The following LAMC2 variants were observed in gnomAD, a reference collection of about 807,000 sequenced individuals.
The protein encoded by LAMC2 is laminin subunit gamma-2.
In LAMC2, 97 loss-of-function variants were observed where a neutral mutation model predicts 140.2. The observed-to-expected ratio is 0.69, with a 90% CI of 0.59 to 0.82. The LOEUF (loss-of-function observed/expected upper bound fraction) is 0.82. Ranked by LOEUF, LAMC2 falls within the 40% of genes least tolerant of loss-of-function variation. The pLI is 0.00. For missense variants in LAMC2, 1,402 were observed against 1,476.1 expected, an observed-to-expected ratio of 0.95 and a Z score of 0.82; for synonymous variants, 513 against 540.2, an observed-to-expected ratio of 0.95 and a Z score of 0.70.
rs144355456 is a variant in LAMC2, at chr1:183,235,696, C to G, written c.2422C>G (p.Pro808Ala). ...HEGVGSGSGS[P>A]DGAVVQGLVE... is the part of the protein sequence containing the mutation. ...AGGAGTCGGAAGCGGAAGCGGTAGCCCGGACGGTGCTGTGGTGCAAGGGCT... is the reference window on the plus strand; with the variant it reads ...AGGAGTCGGAAGCGGAAGCGGTAGCGCGGACGGTGCTGTGGTGCAAGGGCT... Residue 808 changes from proline (P) to alanine (A), a missense_variant, in exon 16 of 23, where the codon CCG becomes GCG. Physicochemically the swap from Pro to Ala is conservative, Grantham distance 27. Around this residue, in one of 3 missense-constraint regions of LAMC2, gnomAD observed 670 missense variants for 667.2 expected, o/e 1.00. Coordinates refer to ENST00000264144, the MANE Select transcript of LAMC2 (RefSeq NM_005562.3). The G allele has an allele frequency of 4.6e-3, 7,355 of 1,614,192 alleles. 31 individuals are homozygous for G. The highest frequency in any genetic ancestry group is 0.018 in the Middle Eastern group (109 of 6,062).
At chr1:183,241,296 AT>A (rs1660131418) in intron 22 of LAMC2, 1 of 985,160 alleles carries the variant, frequency 1.0e-6, no homozygotes, top group East Asian at 1.1e-4. Flanking sequence ...CCGATTTTAC[AT>A]TTGTTCCTCC....
chr1:183,226,959 T>G (rs748497542), intron 9 of LAMC2, 43 bp downstream of exon 9: 2 of 1,472,546 alleles, frequency 1.4e-6, no homozygotes, highest in South Asian at 2.3e-5. Flanking sequence ...GGGTGTCATG[T>G]GGAAGAGAGA....
At chr1:183,189,310 C>T (rs1005860474) in intron 1 of LAMC2, among the ~76,000 whole-genome samples, 1 of 152,124 alleles carries the variant, frequency 6.6e-6, no homozygotes, top group Non-Finnish European at 1.5e-5. Context: ...AAGGATCAGT[C>T]TGGGCACAGT....
At chr1:183,221,576 A>C (rs1050258371) in intron 5 of LAMC2, among the ~76,000 whole-genome samples, 1 of 152,026 alleles carries the variant, frequency 6.6e-6, no homozygotes, top group African/African-American at 2.4e-5. Context: ...AAAATACAAA[A>C]AAATTAGCCG....
Position 183,227,687 on chromosome 1 carries a change from C to G in LAMC2, c.1458C>G (p.Pro486=), listed in dbSNP as rs772131351. 5.6e-6 allele frequency: 9 copies of G among 1,614,098 alleles called. 1 individual carries two copies. The South Asian group carries it at 7.7e-5, about 14-fold the overall frequency. ...AGGTGGTGTGCAATAACTGCCCTCCCGGGGTCACCGGTAAGGCCATGGGTC... is the reference window on the plus strand; with the variant it reads ...AGGTGGTGTGCAATAACTGCCCTCCGGGGGTCACCGGTAAGGCCATGGGTC... The part of the protein sequence containing the change: ...TEEVVCNNCP[P]GVTGARCELC... The change falls in exon 10 of 23, where the codon CCC becomes CCG. Residue 486 remains proline, a synonymous_variant. Transcript: ENST00000264144.
chr1:183,230,955 C>T lies in LAMC2; in HGVS notation c.1715-6C>T. The T allele has an allele frequency of 6.2e-7, 1 of 1,614,144 alleles. No individual in the cohort carries two copies. ...TGTGAATGCTCCATTTGTCTTTTGT[C>T]TCTAGCTTGCAACTGTAACCCCATG... On this transcript the variant is annotated splice_region_variant and splice_polypyrimidine_tract_variant and intron_variant, in intron 11 of 22. Transcript: ENST00000264144.
rs1659535619 is a variant in LAMC2, at chr1:183,223,439, T to A, written c.953+115T>A. 5.1e-6 allele frequency: 5 copies of A among 972,398 alleles called. No individual in the cohort carries two copies. The African/African-American group carries it at 8.0e-5, about 16-fold the overall frequency. 60.2% of individuals were successfully genotyped at this position (972,398 alleles called of 1,614,324 possible). On this transcript the variant is annotated intron_variant, in intron 7 of 22. Transcript: ENST00000264144. ...GTTCAACAAGCCTTTCTGAGCACCTTTTACGTACCATGAAGGTTGCTATGT... is the reference window on the plus strand; with the variant it reads ...GTTCAACAAGCCTTTCTGAGCACCTATTACGTACCATGAAGGTTGCTATGT...
At chr1:183,226,107 C>T (rs1659616898) in intron 8 of LAMC2, among the ~76,000 whole-genome samples, 2 of 151,394 alleles carry the variant, frequency 1.3e-5, no homozygotes, top group Admixed American at 1.3e-4. Context: ...TCCATGCTAG[C>T]CTGTCTGAGT....
intron 1 of LAMC2, among the ~76,000 whole-genome samples, chr1:183,194,359 A>G (rs1658447136): frequency 6.6e-6 from 1 of 152,204 alleles, no homozygotes; most frequent in Non-Finnish European, 1.5e-5. Context: ...GTGAAGACTA[A>G]GAACTATATA....
chr1:183,239,779 C>G, intron 20 of LAMC2: 1 of 635,190 alleles, frequency 1.6e-6, no homozygotes, highest in Non-Finnish European at 2.8e-6. Context: ...GTTCCTAACT[C>G]TGTTCAACAT....
intron 1 of LAMC2, among the ~76,000 whole-genome samples, chr1:183,199,097 CTTTTTTT>C (rs906113983): frequency 4.0e-4 from 27 of 67,608 alleles, no homozygotes; most frequent in East Asian, 1.1e-3. Context: ...GTTGGCTTTT[CTTTTTTT>C]TTTTTTTTTT....
At chr1:183,257,260 G>A in the LAMC2 span, among the ~76,000 whole-genome samples, 2 of 152,090 alleles carry the variant, frequency 1.3e-5, no homozygotes, top group South Asian at 2.1e-4. Flanking sequence ...GGCCAACATA[G>A]TAAAACCCTG....
the LAMC2 span, among the ~76,000 whole-genome samples, chr1:183,258,793 A>C: frequency 5.9e-5 from 9 of 151,628 alleles, no homozygotes; most frequent in South Asian, 2.1e-4. Context: ...GCGGCCCCCC[A>C]CCCAGGAACT....
At chr1:183,194,747 G>A (rs1008203422) in intron 1 of LAMC2, among the ~76,000 whole-genome samples, 1 of 152,192 alleles carries the variant, frequency 6.6e-6, no homozygotes, top group Admixed American at 6.5e-5. Context: ...TTCTTAGAGG[G>A]GCATAGGATA....
At chr1:183,242,176 G>C (rs536662553) in intron 22 of LAMC2, among the ~76,000 whole-genome samples, 1 of 152,146 alleles carries the variant, frequency 6.6e-6, no homozygotes, top group South Asian at 2.1e-4. Flanking sequence ...CCTTCCCATA[G>C]ACAAGGTTAT....
chr1:183,232,949 G>A, intron 14 of LAMC2, 92 bp downstream of exon 14: 3 of 1,206,712 alleles, frequency 2.5e-6, no homozygotes, highest in Non-Finnish European at 3.6e-6. Flanking sequence ...TCTCTCAGTG[G>A]CTCACTTTCT....
chr1:183,239,793 G>A (rs1011481868), intron 20 of LAMC2: 2 of 633,652 alleles, frequency 3.2e-6, no homozygotes, highest in Non-Finnish European at 2.8e-6. Context: ...TCAACATTTG[G>A]TGAGCATTGA....
At chr1:183,253,470 A>T in the LAMC2 span, among the ~76,000 whole-genome samples, 1 of 152,002 alleles carries the variant, frequency 6.6e-6, no homozygotes, top group Non-Finnish European at 1.5e-5. Flanking sequence ...TTTAGCAAAA[A>T]CCCTAAATAT....
In LAMC2 at chr1:183,186,275, C is replaced by A. The variant is rs1658142545; in HGVS notation, c.-78C>A. 7.2e-6 allele frequency: 11 copies of A among 1,531,640 alleles called. No individual in the cohort carries two copies. The South Asian group carries it at 1.2e-4, about 17-fold the overall frequency. The allele number at this position is 1,531,640 out of a possible 1,614,324, so 94.9% of individuals were successfully genotyped here. ...AGGAAAAGGAAGGCACAGCGGAGCG[C>A]AGAGTGAGAACCACCAACCGAGGCG... On this transcript the variant is annotated 5_prime_UTR_variant, in exon 1 of 23. Transcript: ENST00000264144.
Sources: allele counts gnomAD v4.1 joint callset (sites outside exome capture counted in the v4.1 genomes callset), GRCh38; gene constraint gnomAD v4.1.1; regional missense constraint gnomAD v4.1.1; transcripts MANE v1.5; gene names NCBI Gene and HGNC (gene_info 2026-07-23, HGNC 2026-07-21).